The following MED1 variants were observed in gnomAD, a reference collection of about 807,000 sequenced individuals.
MED1 encodes mediator complex subunit 1, also known as mediator of RNA polymerase II transcription subunit 1.
MED1 carries 17 observed loss-of-function variants against 121.3 expected under a neutral mutation model. That is an observed-to-expected ratio of 0.14 (90% CI 0.10 to 0.21). MED1 has a LOEUF of 0.21. Ranked by LOEUF, MED1 falls within the 10% of genes least tolerant of loss-of-function variation. The probability of loss-of-function intolerance (pLI) is 1.00; values close to 1 mark genes in which losing one functional copy is unlikely to be tolerated. For missense variants in MED1, 1,558 were observed against 1,919.4 expected, an observed-to-expected ratio of 0.81 and a Z score of 3.52; for synonymous variants, 661 against 694.4, an observed-to-expected ratio of 0.95 and a Z score of 0.76.
chr17:39,408,444 A>T lies in MED1; in HGVS notation c.3777T>A (p.Thr1259=), dbSNP rs1475546514. 1 of 1,614,098 alleles carries T rather than the reference A, an allele frequency of 6.2e-7. No individual in the cohort carries two copies. The highest frequency in any genetic ancestry group is 8.5e-7 in the Non-Finnish European group (1 of 1,180,032). The change falls in exon 17 of 17, where the codon ACT becomes ACA. Residue 1259 remains threonine, a synonymous_variant. Coordinates refer to ENST00000300651, the MANE Select transcript of MED1 (RefSeq NM_004774.4). This position sits in a 1 kb window ranked among gnomAD's most constrained non-coding sequence, Gnocchi z 4.7. Reference sequence around the variant, plus strand: ...CCGTACAGGAATTAGATGATGGGGGAGTTTTCTGGGACAACGAGCCTGAGG... The same window carrying T: ...CCGTACAGGAATTAGATGATGGGGGTGTTTTCTGGGACAACGAGCCTGAGG... ...LGSSGSLSQK[T]PPSSNSCTAS... is the part of the protein sequence containing the mutation.
intron 3 of MED1, among the ~76,000 whole-genome samples, chr17:39,441,352 T>C (rs1189581565): frequency 6.6e-6 from 1 of 151,856 alleles, no homozygotes; most frequent in Non-Finnish European, 1.5e-5. Context: ...GGAAGATGAG[T>C]GAAGTTTTAC....
chr17:39,423,632 A>G, intron 12 of MED1, 65 bp downstream of exon 12: 1 of 1,603,558 alleles, frequency 6.2e-7, no homozygotes. Context: ...CGTCATGATA[A>G]CCTGACTTTG....
In MED1 at chr17:39,423,391, G is replaced by A. The variant is rs2048485756; in HGVS notation, c.1031C>T (p.Thr344Ile). ...PTYAPLYELI[T>I]QFELSKDPDP... ...AGGGTCCTTTGATAGCTCAAACTGA[G>A]TGATCAGTTCATACAGGGGTGCATA... The change falls in exon 13 of 17, where the codon ACT becomes ATT. Residue 344 changes from threonine (T) to isoleucine (I), a missense_variant. Around this residue, in one of 5 missense-constraint regions of MED1, gnomAD observed 443 missense variants for 532.4 expected, o/e 0.83. Coordinates refer to ENST00000300651, the MANE Select transcript of MED1 (RefSeq NM_004774.4). The A allele has an allele frequency of 6.2e-7, 1 of 1,613,968 alleles. No homozygotes were observed. Among genetic ancestry groups the A allele is most frequent in the Non-Finnish European group, 8.5e-7 (1 of 1,179,914 alleles).
intron 8 of MED1, 160 bp from the exon 9 acceptor site, chr17:39,431,348 G>A: frequency 1.9e-6 from 1 of 517,670 alleles, no homozygotes; most frequent in Admixed American, 3.6e-5. Context: ...TACAATCTCA[G>A]CTCACCGCAA....
Position 39,419,713 on chromosome 17 carries a change from G to A in MED1, c.1297+4C>T, listed in dbSNP as rs1381513624. On this transcript the variant is annotated splice_donor_region_variant and intron_variant, in intron 14 of 16. Transcript: ENST00000300651. ...CAGTAAGCATATCAAAGGAAAGGCAGTACCTTCTTTCAGAATAGTTCTTTT... is the reference window on the plus strand; with the variant it reads ...CAGTAAGCATATCAAAGGAAAGGCAATACCTTCTTTCAGAATAGTTCTTTT... 2.5e-6 allele frequency: 4 copies of A among 1,606,806 alleles called. No individual in the cohort carries two copies. The East Asian group carries it at 8.9e-5, about 36-fold the overall frequency.
At chr17:39,449,809 C>CT (rs71147334) in intron 1 of MED1, among the ~76,000 whole-genome samples, 3,505 of 61,624 alleles carry the variant, frequency 0.057, 116 homozygotes, top group Non-Finnish European at 0.082. Flanking sequence ...CACACCCGGC[C>CT]TTTTTTTTTT....
At chr17:39,426,928 TG>T (rs1202877298) in intron 10 of MED1, among the ~76,000 whole-genome samples, 4 of 150,372 alleles carry the variant, frequency 2.7e-5, no homozygotes, top group African/African-American at 9.8e-5. Context: ...ACTTTTTTTT[TG>T]ATCAGTAACT....
chr17:39,409,132 G>A lies in MED1; in HGVS notation c.3089C>T (p.Pro1030Leu). 2 of 1,614,160 alleles carry A rather than the reference G, an allele frequency of 1.2e-6. No homozygotes were observed. Among genetic ancestry groups the A allele is most frequent in the Non-Finnish European group, 1.7e-6 (2 of 1,180,036 alleles). ...ACCTGTACTGGTAGGTGGGGTAAAA[G>A]GTCTGTTAGAAGAACTATGAGATGG... is the stretch of plus-strand genomic sequence containing the variant. ...KSPSHSSSNR[P>L]FTPPTSTGGS... Residue 1030 changes from proline to leucine, a missense_variant, in exon 17 of 17, where the codon CCT becomes CTT. Physicochemically the swap from Pro to Leu is moderately conservative, Grantham distance 98. This residue lies in a region of MED1 where 793 missense variants were observed against 898.2 expected (regional missense o/e 0.88). Transcript: ENST00000300651.
chr17:39,436,371 A>G (rs199945023), intron 6 of MED1, among the ~76,000 whole-genome samples: 6 of 20,972 alleles, frequency 2.9e-4, no homozygotes, highest in Non-Finnish European at 1.3e-3. Context: ...AAAAAAAAGA[A>G]AAAAAAAAAA....
In MED1 at chr17:39,434,417, A is replaced by C. The variant is rs370299305; in HGVS notation, c.429-97T>G. ...AAGTGCCAAAAATCACAGCTATATA[A>C]AACTGATTTTAATAATCAGCTTTAA... On this transcript the variant is annotated intron_variant, in intron 6 of 16. Transcript: ENST00000300651. 26 of 595,100 alleles carry C rather than the reference A, an allele frequency of 4.4e-5. No homozygotes were observed. In the East Asian group the frequency reaches 4.8e-4, roughly 11 times the overall value. The allele number at this position is 595,100 out of a possible 1,614,324, so 36.9% of individuals were successfully genotyped here.
At chr17:39,417,456 G>A (rs934145351) in intron 14 of MED1, among the ~76,000 whole-genome samples, 2 of 151,494 alleles carry the variant, frequency 1.3e-5, no homozygotes, top group East Asian at 3.9e-4. Flanking sequence ...GTGACACCCC[G>A]TTTCTACTAA....
rs760116991 is a variant in MED1 at position 39,418,085 on chromosome 17, CA to C, written c.1297+1631del. Among the ~76,000 whole-genome samples the C allele has an allele frequency of 8.8e-3, 489 of 55,614 alleles. 1 individual carries two copies. Among genetic ancestry groups the C allele is most frequent in the African/African-American group, 0.033 (429 of 13,062 alleles). The allele number at this position is 55,614 out of a possible 152,430, so 36.5% of individuals were successfully genotyped here. A position where few individuals can be genotyped will look rare whatever the true frequency, so the allele number is the denominator to read the frequency against. On this transcript the variant is annotated intron_variant, in intron 14 of 16. Transcript: ENST00000300651. ...TGGGGAACAGAGTGAGACTCCGTCT[CA>C]AAAAAAAAAAAAAAAAAAAAAAAAT...
Position 39,447,836 on chromosome 17 carries a change from G to T in MED1, c.94C>A (p.Pro32Thr), listed in dbSNP as rs772303365. ...ACAAGCTTAATGGTTTCACTCCAGG[G>T]TCTATTTTGGTTAAATTTTGCATGG... The part of the protein sequence containing the change: ...RLHAKFNQNR[P>T]WSETIKLVRQ... Residue 32 changes from proline (P) to threonine (T), a missense_variant, in exon 2 of 17, where the codon CCC becomes ACC. Around this residue, in one of 5 missense-constraint regions of MED1, gnomAD observed 443 missense variants for 532.4 expected, o/e 0.83. Coordinates refer to ENST00000300651, the MANE Select transcript of MED1 (RefSeq NM_004774.4). 6.2e-7 allele frequency: 1 copy of T among 1,613,668 alleles called. No homozygotes were observed. Among genetic ancestry groups the T allele is most frequent in the South Asian group, 1.1e-5 (1 of 91,058 alleles).
intron 3 of MED1, among the ~76,000 whole-genome samples, chr17:39,441,662 C>T (rs935563227): frequency 3.9e-5 from 6 of 152,038 alleles, no homozygotes; most frequent in Admixed American, 6.6e-5. Context: ...CCCACCCTCT[C>T]GGGAGGCTGA....
rs2048311539 is a variant in MED1 at position 39,407,321 on chromosome 17, CCTTT to C, written c.*150_*153del. 11 of 1,401,502 alleles carry C rather than the reference CCTTT, an allele frequency of 7.8e-6. No homozygotes were observed. Among genetic ancestry groups the C allele is most frequent in the African/African-American group, 1.4e-5 (1 of 69,028 alleles). The allele number at this position is 1,401,502 out of a possible 1,614,324, so 86.8% of individuals were successfully genotyped here. A position where few individuals can be genotyped will look rare whatever the true frequency, so the allele number is the denominator to read the frequency against. Reference sequence around the variant, plus strand: ...GTTTCTTTAATAGGGTCTGGATATGCCTTTCTAATTCACCCAGCTTGATGTCAAA... The same window carrying C: ...GTTTCTTTAATAGGGTCTGGATATGCCTAATTCACCCAGCTTGATGTCAAA... On this transcript the variant is annotated 3_prime_UTR_variant, in exon 17 of 17. Coordinates refer to ENST00000300651, the MANE Select transcript of MED1 (RefSeq NM_004774.4).
At position 39,419,772 on chromosome 17, in the gene MED1, T is replaced by C. The variant is rs2048444012; in HGVS notation, c.1242A>G (p.Gln414=). 2.5e-6 allele frequency: 4 copies of C among 1,613,890 alleles called. No homozygotes were observed. Among genetic ancestry groups the C allele is most frequent in the Non-Finnish European group, 2.5e-6 (3 of 1,179,978 alleles). The change falls in exon 14 of 17, where the codon CAA becomes CAG. Residue 414 remains glutamine (Q), a synonymous_variant. Transcript: ENST00000300651. ...VPLILNLIRH[Q]VAYNTLIGSC... ...TTCCAATGAGGGTGTTATAGGCCAC[T>C]TGGTGTCTGATCAGATTTAGGATAA...
rs937150392 is a variant in MED1 at position 39,427,985 on chromosome 17, G to A, written c.650-195C>T. On this transcript the variant is annotated intron_variant, in intron 9 of 16. Coordinates refer to ENST00000300651, the MANE Select transcript of MED1 (RefSeq NM_004774.4). ...TAATCCTGGCTCTCTGGGAGGCTCC[G>A]GCAAGAGGATCACTTGAGTCCAGGA... Among the ~76,000 whole-genome samples the A allele has an allele frequency of 3.9e-5, 6 of 152,152 alleles. No individual in the cohort carries two copies. In the East Asian group the frequency reaches 5.8e-4, roughly 15 times the overall value.
intron 13 of MED1, among the ~76,000 whole-genome samples, chr17:39,421,442 C>G (rs1279922034): frequency 1.3e-5 from 2 of 151,600 alleles, no homozygotes; most frequent in Non-Finnish European, 2.9e-5. Flanking sequence ...CCCAGCTACT[C>G]AGGAGGCTGA....
At chr17:39,411,059 G>A (rs578103963) in intron 16 of MED1, among the ~76,000 whole-genome samples, 13 of 152,172 alleles carry the variant, frequency 8.5e-5, no homozygotes, top group African/African-American at 2.6e-4. Flanking sequence ...AGTGGCTCAC[G>A]CCTGTAATCC....
Sources: gnomAD v4.1 joint callset for allele counts (sites outside exome capture counted in the v4.1 genomes callset) on GRCh38, gnomAD v4.1.1 for gene constraint, gnomAD v4.1.1 regional missense constraint, Gnocchi (gnomAD v3.1) non-coding constraint, MANE v1.5 for transcripts, NCBI Gene and HGNC (gene_info 2026-07-23, HGNC 2026-07-21) for gene names.